The following RELCH variants were observed in gnomAD, a reference collection of about 807,000 sequenced individuals.
RELCH encodes RAB11 binding and LisH domain, coiled-coil and HEAT repeat containing, also known as RAB11-binding protein RELCH.
In RELCH, 41 loss-of-function variants were observed where a neutral mutation model predicts 150.3. That is an observed-to-expected ratio of 0.27 (90% CI 0.21 to 0.35). The LOEUF (loss-of-function observed/expected upper bound fraction) is 0.35. RELCH is among the 10% of genes least tolerant of loss of function. The pLI is 1.00. For synonymous variants in RELCH, 478 were observed against 531.8 expected (o/e 0.90, Z 1.39); for missense variants, 1,092 against 1,467.8 (o/e 0.74, Z 4.18).
At chr18:62,211,777 A>G (rs910144867) in intron 2 of RELCH, among the ~76,000 whole-genome samples, 1 of 152,114 alleles carries the variant, frequency 6.6e-6, no homozygotes, top group African/African-American at 2.4e-5. Flanking sequence ...AAAAAAATAA[A>G]TAAGCAAATA....
chr18:62,187,812 C>A lies in RELCH; in HGVS notation c.307C>A (p.Arg103Ser). The A allele has an allele frequency of 1.3e-6, 2 of 1,595,700 alleles. No homozygotes were observed. The highest frequency in any genetic ancestry group is 1.1e-5 in the South Asian group (1 of 89,358). Residue 103 changes from arginine (R) to serine (S), a missense_variant, in exon 1 of 29, where the codon CGC (arginine) becomes AGC (serine). This residue lies in a region of RELCH where 190 missense variants were observed against 276.2 expected (regional missense o/e 0.69). Coordinates refer to ENST00000644646, the MANE Select transcript of RELCH (RefSeq NM_001346231.2). ...SIDAIAAQLL[R>S]DQYLLTALEL... is the part of the protein sequence containing the mutation. ...TGATGCGATCGCTGCTCAGCTGTTG[C>A]GCGATCAATACTTGCTGACCGCCCT...
intron 22 of RELCH, among the ~76,000 whole-genome samples, chr18:62,278,278 A>G (rs1473948648): frequency 2.0e-5 from 3 of 152,178 alleles, no homozygotes; most frequent in Admixed American, 6.5e-5. Flanking sequence ...TTATAAAATG[A>G]TACAGAGAAG....
chr18:62,240,413 TC>T lies in RELCH; in HGVS notation c.1621-4350del, dbSNP rs200972930. On this transcript the variant is annotated intron_variant, in intron 10 of 28. Transcript: ENST00000644646. ...AACCATTTTCTTTTTTTTTTCTTTT[TC>T]TTTTTTTTTTTGGTGACAGGGTCTC... Among the ~76,000 whole-genome samples, 64 of 148,376 alleles carry T rather than the reference TC, an allele frequency of 4.3e-4. 7 individuals are homozygous for T. The highest frequency in any genetic ancestry group is 4.7e-4 in the Admixed American group (7 of 14,982).
chr18:62,194,244 C>CA (rs1343734366), intron 1 of RELCH, among the ~76,000 whole-genome samples: 21 of 151,648 alleles, frequency 1.4e-4, no homozygotes, highest in Non-Finnish European at 2.2e-4. Context: ...GACCCTGTCT[C>CA]AAAAAAAACC....
chr18:62,222,731 A>T (rs1451737341), intron 5 of RELCH, among the ~76,000 whole-genome samples: 4 of 152,002 alleles, frequency 2.6e-5, no homozygotes, highest in Admixed American at 6.6e-5. Flanking sequence ...GCATAATTAC[A>T]ATTTTATAAA....
At chr18:62,224,605 A>G (rs1436675894) in intron 5 of RELCH, among the ~76,000 whole-genome samples, 1 of 152,166 alleles carries the variant, frequency 6.6e-6, no homozygotes, top group Non-Finnish European at 1.5e-5. Context: ...AAAACCTATC[A>G]TATGTTAGCA....
chr18:62,298,363 A>G lies in RELCH; in HGVS notation c.3460-427A>G, dbSNP rs185749182. ...TGGTGCTGTACCTAGTCTCAGCTCT[A>G]GACATTAAAATAAGGGATCTTGCTT... On this transcript the variant is annotated intron_variant, in intron 27 of 28. Coordinates refer to ENST00000644646, the MANE Select transcript of RELCH (RefSeq NM_001346231.2). 1.2e-4 allele frequency among the ~76,000 whole-genome samples: 18 copies of G among 152,336 alleles called. No individual in the cohort carries two copies. In the East Asian group the frequency reaches 3.5e-3, roughly 29 times the overall value.
intron 23 of RELCH, 32 bp downstream of exon 23, chr18:62,279,888 A>G (rs932577734): frequency 7.3e-7 from 1 of 1,368,054 alleles, no homozygotes. Flanking sequence ...TATATTCGGC[A>G]TCCCTTTCAA....
intron 13 of RELCH, among the ~76,000 whole-genome samples, chr18:62,256,211 C>G (rs1006519261): frequency 2.6e-5 from 4 of 151,938 alleles, no homozygotes; most frequent in Admixed American, 1.3e-4. Context: ...GAAACACTTA[C>G]AGTCAAACTG....
At chr18:62,190,058 C>A (rs1028251352) in intron 1 of RELCH, among the ~76,000 whole-genome samples, 12 of 152,130 alleles carry the variant, frequency 7.9e-5, no homozygotes, top group African/African-American at 2.7e-4. Context: ...ATAATCCCAC[C>A]AATGGTATTT....
intron 10 of RELCH, among the ~76,000 whole-genome samples, chr18:62,244,533 G>GAA (rs1430372624): frequency 1.3e-5 from 2 of 152,096 alleles, no homozygotes; most frequent in African/African-American, 2.4e-5. Context: ...AAGGCTAGTT[G>GAA]AATCTTAAGC....
intron 1 of RELCH, among the ~76,000 whole-genome samples, chr18:62,189,830 T>C: frequency 6.6e-6 from 1 of 152,200 alleles, no homozygotes; most frequent in East Asian, 1.9e-4. Context: ...ATTTTTATAC[T>C]TTCTTGAAAT....
At chr18:62,195,956 A>G (rs980762471) in intron 1 of RELCH, among the ~76,000 whole-genome samples, 8 of 152,140 alleles carry the variant, frequency 5.3e-5, no homozygotes, top group Admixed American at 3.9e-4. Context: ...TCGGCCTCCC[A>G]AAGTGCTGGG....
chr18:62,258,215 C>A, intron 14 of RELCH, 127 bp downstream of exon 14: 1 of 863,164 alleles, frequency 1.2e-6, no homozygotes, highest in Non-Finnish European at 1.7e-6. Flanking sequence ...CTTTAGTCAT[C>A]TGGGGATGGC....
intron 10 of RELCH, among the ~76,000 whole-genome samples, chr18:62,236,707 TTTTCAGTC>T (rs920232888): frequency 6.6e-6 from 1 of 151,944 alleles, no homozygotes; most frequent in Non-Finnish European, 1.5e-5. Context: ...TCTTCTCTCT[TTTTCAGTC>T]AGTCTAGCTA....
At chr18:62,273,757 C>T (rs1402179304) in intron 20 of RELCH, among the ~76,000 whole-genome samples, 1 of 152,096 alleles carries the variant, frequency 6.6e-6, no homozygotes, top group Non-Finnish European at 1.5e-5. Context: ...CTAGTGGCTA[C>T]TACTATATTA....
chr18:62,235,417 A>G (rs2041830474), intron 10 of RELCH: 1 of 152,032 alleles, frequency 6.6e-6, no homozygotes, highest in Non-Finnish European at 1.5e-5. Flanking sequence ...CTAACTGCAC[A>G]TCACTATTGT....
At chr18:62,281,170 A>C (rs1278652128) in intron 24 of RELCH, among the ~76,000 whole-genome samples, 1 of 152,204 alleles carries the variant, frequency 6.6e-6, no homozygotes, top group Non-Finnish European at 1.5e-5. Flanking sequence ...GCTGAGCTGG[A>C]TGTTGCAGTT....
intron 28 of RELCH, among the ~76,000 whole-genome samples, chr18:62,301,508 C>T (rs531276537): frequency 3.9e-5 from 6 of 152,288 alleles, no homozygotes; most frequent in Admixed American, 1.3e-4. Context: ...TTTATAAAAA[C>T]AGCAGGCTAG....
Sources: allele counts gnomAD v4.1 joint callset (sites outside exome capture counted in the v4.1 genomes callset), GRCh38; gene constraint gnomAD v4.1.1; regional missense constraint gnomAD v4.1.1; transcripts MANE v1.5; gene names NCBI Gene and HGNC (gene_info 2026-07-23, HGNC 2026-07-21).